ROBO2: variants seen among roughly 807,000 people sequenced by gnomAD.
ROBO2 encodes roundabout guidance receptor 2.
In ROBO2, 53 loss-of-function variants were observed where a neutral mutation model predicts 160.8. The ratio of observed to expected loss-of-function variants is 0.33; its 90% CI spans 0.26 to 0.41. The LOEUF (loss-of-function observed/expected upper bound fraction) is 0.41. Among genes scored for constraint, ROBO2 ranks in the 10% least tolerant of loss-of-function variants. The pLI is 1.00. For missense variants in ROBO2, 1,577 were observed against 1,722.4 expected (o/e 0.92, Z 1.49); for synonymous variants, 664 against 611.7 (o/e 1.09, Z -1.26).
chr3:77,398,449 A>G (rs1560723326), intron 2 of ROBO2, among the ~76,000 whole-genome samples: 1 of 152,116 alleles, frequency 6.6e-6, no homozygotes, highest in Non-Finnish European at 1.5e-5. Flanking sequence ...TGAATGTAGT[A>G]GAATTCTCAT....
intron 2 of ROBO2, among the ~76,000 whole-genome samples, chr3:77,012,664 G>A (rs763721995): frequency 6.6e-6 from 1 of 152,178 alleles, no homozygotes; most frequent in Non-Finnish European, 1.5e-5. Context: ...CTGAAATCTT[G>A]TAAATCAGTG....
intron 2 of ROBO2, among the ~76,000 whole-genome samples, chr3:76,619,437 T>A (rs1033612967): frequency 1.3e-5 from 2 of 152,234 alleles, no homozygotes; most frequent in Non-Finnish European, 2.9e-5. Flanking sequence ...TACGGTGAAC[T>A]TTTAAAAAGA....
chr3:76,387,305 A>G (rs1483076790), intron 2 of ROBO2, among the ~76,000 whole-genome samples: 1 of 152,180 alleles, frequency 6.6e-6, no homozygotes, highest in African/African-American at 2.4e-5. Context: ...TCATAACAGA[A>G]GGTCACAGTA....
intron 2 of ROBO2, among the ~76,000 whole-genome samples, chr3:77,115,122 C>A (rs1212590057): frequency 2.0e-5 from 3 of 152,088 alleles, no homozygotes; most frequent in Admixed American, 6.6e-5. Context: ...GAAATAAACA[C>A]CACTTCTTCC....
chr3:77,503,120 A>T (rs752817672), intron 5 of ROBO2, among the ~76,000 whole-genome samples: 63 of 152,088 alleles, frequency 4.1e-4, no homozygotes, highest in Non-Finnish European at 8.4e-4. Flanking sequence ...GGATGGATAG[A>T]TACCCCATTC....
upstream of ROBO2, among the ~76,000 whole-genome samples, chr3:77,037,477 T>TAA (rs201561560): frequency 6.6e-6 from 1 of 151,934 alleles, no homozygotes; most frequent in Non-Finnish European, 1.5e-5. Context: ...TGATGCTTGG[T>TAA]AAAAAAAATG....
At chr3:76,253,552 C>G (rs1400501814) in intron 2 of ROBO2, among the ~76,000 whole-genome samples, 1 of 150,338 alleles carries the variant, frequency 6.7e-6, no homozygotes, top group Non-Finnish European at 1.5e-5. Flanking sequence ...GGATTACAGA[C>G]ATGAGTCACC....
Position 76,579,840 on chromosome 3 carries a change from A to G in ROBO2, c.110-518174A>G, listed in dbSNP as rs376264012. On this transcript the variant is annotated intron_variant, in intron 2 of 26. Transcript: ENST00000487694. Reference sequence around the variant, plus strand: ...AAACAAAACTTTGAGTCTGTTCTCTAAGATAGAAAATACCACCTGCCTTAA... The same window carrying G: ...AAACAAAACTTTGAGTCTGTTCTCTGAGATAGAAAATACCACCTGCCTTAA... Among the ~76,000 whole-genome samples the G allele has an allele frequency of 2.8e-4, 42 of 152,164 alleles. 2 individuals carry two copies. The highest frequency in any genetic ancestry group is 2.7e-3 in the South Asian group (13 of 4,810).
intron 22 of ROBO2, among the ~76,000 whole-genome samples, chr3:77,620,777 A>G (rs1039195406): frequency 2.0e-5 from 3 of 152,168 alleles, no homozygotes; most frequent in Admixed American, 2.0e-4. Flanking sequence ...AGATTAAAAT[A>G]TTTTCCCCAA....
In ROBO2 at chr3:76,597,439, G is replaced by A. The variant is rs1220864477; in HGVS notation, c.110-500575G>A. ...AAAACAAACTAAAAAACAAAAAATG[G>A]GCAAAAGGCATGAGCAGACATTTCA... On this transcript the variant is annotated intron_variant, in intron 2 of 26. Transcript: ENST00000487694. 2.6e-5 allele frequency among the ~76,000 whole-genome samples: 4 copies of A among 151,772 alleles called. No homozygotes were observed. The East Asian group carries it at 5.8e-4, about 22-fold the overall frequency.
At position 75,977,696 on chromosome 3, in the gene ROBO2, T is replaced by C. The variant is rs1433883725; in HGVS notation, c.109+40094T>C. ...GAAATTTGAAAAGAGTGAACTGCCA[T>C]ATTGATACATACACATCAGCATATA... is the stretch of plus-strand genomic sequence containing the variant. On this transcript the variant is annotated intron_variant, in intron 2 of 26. Coordinates refer to the ROBO2 transcript ENST00000487694. Among the ~76,000 whole-genome samples, 5 of 151,608 alleles carry C rather than the reference T, an allele frequency of 3.3e-5. No individual in the cohort carries two copies. The East Asian group carries it at 9.8e-4, about 30-fold the overall frequency.
intron 2 of ROBO2, among the ~76,000 whole-genome samples, chr3:77,237,338 C>T (rs1461469021): frequency 1.3e-5 from 2 of 151,588 alleles, no homozygotes; most frequent in Non-Finnish European, 2.9e-5. Context: ...GTAGCAGGGA[C>T]CATACTGTAC....
At chr3:77,422,828 T>C (rs981580903) in intron 2 of ROBO2, among the ~76,000 whole-genome samples, 2 of 152,180 alleles carry the variant, frequency 1.3e-5, no homozygotes, top group Non-Finnish European at 2.9e-5. Context: ...TAGAAAATAA[T>C]GTGCCCTCAT....
At chr3:76,982,942 C>T (rs1193884374) in intron 2 of ROBO2, among the ~76,000 whole-genome samples, 2 of 152,060 alleles carry the variant, frequency 1.3e-5, no homozygotes, top group Admixed American at 6.6e-5. Flanking sequence ...ATCAATAATT[C>T]TTAATTAAAG....
At chr3:76,007,533 A>C (rs1269698145) in intron 2 of ROBO2, among the ~76,000 whole-genome samples, 2 of 152,182 alleles carry the variant, frequency 1.3e-5, no homozygotes, top group Non-Finnish European at 2.9e-5. Context: ...TTTCAGAGAT[A>C]ATCTTAAAAA....
intron 2 of ROBO2, among the ~76,000 whole-genome samples, chr3:77,301,571 A>C (rs573168198): frequency 6.6e-6 from 1 of 152,366 alleles, no homozygotes; most frequent in South Asian, 2.1e-4. Context: ...CCTATCATAC[A>C]TATAGGTGTG....
intron 2 of ROBO2, among the ~76,000 whole-genome samples, chr3:76,918,204 G>A (rs146245726): frequency 6.6e-6 from 1 of 152,178 alleles, no homozygotes; most frequent in East Asian, 1.9e-4. Flanking sequence ...GTGGGACCAC[G>A]TGCCGGTCAT....
At chr3:77,051,298 C>T (rs892828846) in intron 1 of ROBO2, among the ~76,000 whole-genome samples, 2 of 152,126 alleles carry the variant, frequency 1.3e-5, no homozygotes, top group Admixed American at 1.3e-4. Flanking sequence ...CATGTGGGTA[C>T]AGATTTTGGG....
chr3:77,285,666 C>A (rs2060538214), intron 2 of ROBO2, among the ~76,000 whole-genome samples: 1 of 152,192 alleles, frequency 6.6e-6, no homozygotes, highest in Non-Finnish European at 1.5e-5. Context: ...CACGTTCACT[C>A]TCTATCTTAC....
Sources: gnomAD v4.1 joint callset for allele counts (sites outside exome capture counted in the v4.1 genomes callset) on GRCh38, gnomAD v4.1.1 for gene constraint, MANE v1.5 for transcripts, NCBI Gene and HGNC (gene_info 2026-07-23, HGNC 2026-07-21) for gene names.